Variants in ARHGEF3 observed in about 807,000 individuals in gnomAD.
The protein encoded by ARHGEF3 is Rho guanine nucleotide exchange factor 3, also known as 59.8 kDA protein.
ARHGEF3 carries 28 observed loss-of-function variants against 63.2 expected under a neutral mutation model. That is an observed-to-expected ratio of 0.44 (90% CI 0.33 to 0.61). The LOEUF (loss-of-function observed/expected upper bound fraction) is 0.61. Among genes scored for constraint, ARHGEF3 ranks in the 20% least tolerant of loss-of-function variants. ARHGEF3 has a pLI of 0.03. For missense variants in ARHGEF3, 533 were observed against 659.3 expected (o/e 0.81, Z 2.10); for synonymous variants, 266 against 254.2 (o/e 1.05, Z -0.44).
chr3:56,923,564 G>C (rs1387526497), intron 3 of ARHGEF3, among the ~76,000 whole-genome samples: 1 of 151,938 alleles, frequency 6.6e-6, no homozygotes, highest in Admixed American at 6.5e-5. Flanking sequence ...AAAAAAATGA[G>C]AGCATAGTTA....
chr3:56,789,020 A>ATGCTGCTGCTGCTGCTGC (rs34620976), intron 1 of ARHGEF3, among the ~76,000 whole-genome samples: 34 of 149,224 alleles, frequency 2.3e-4, no homozygotes, highest in South Asian at 8.8e-4. Context: ...TTCAAGATAG[A>ATGCTGCTGCTGCTGCTGC]TGCTGCTGCT....
At chr3:56,745,519 T>G in intron 6 of ARHGEF3, 57 bp from the exon 7 acceptor site, 1 of 1,577,850 alleles carries the variant, frequency 6.3e-7, no homozygotes, top group Non-Finnish European at 8.6e-7. Flanking sequence ...GCTCTGAGGC[T>G]ACGGTGGCAT....
intron 3 of ARHGEF3, among the ~76,000 whole-genome samples, chr3:56,920,778 C>T (rs1444715548): frequency 6.6e-6 from 1 of 152,186 alleles, no homozygotes; most frequent in Non-Finnish European, 1.5e-5. Flanking sequence ...CAAGGCCGGG[C>T]ACGATGGCTC....
At chr3:56,841,385 C>T (rs2039302614) in intron 4 of ARHGEF3, among the ~76,000 whole-genome samples, 1 of 152,144 alleles carries the variant, frequency 6.6e-6, no homozygotes, top group Non-Finnish European at 1.5e-5. Context: ...GGTTGTTAGT[C>T]TTACATGAGA....
intron 3 of ARHGEF3, among the ~76,000 whole-genome samples, chr3:56,892,659 A>G (rs2041161609): frequency 6.6e-6 from 1 of 152,240 alleles, no homozygotes; most frequent in African/African-American, 2.4e-5. Context: ...CATGTAAACA[A>G]TCAGCTTAGA....
intron 4 of ARHGEF3, among the ~76,000 whole-genome samples, chr3:56,856,101 T>C (rs55778709): frequency 1.3e-3 from 192 of 152,226 alleles, no homozygotes; most frequent in Non-Finnish European, 2.3e-3. Context: ...GCCTGGCCAG[T>C]GGTGGACGAG....
At chr3:56,858,578 T>C (rs779148046) in intron 4 of ARHGEF3, among the ~76,000 whole-genome samples, 24 of 152,100 alleles carry the variant, frequency 1.6e-4, no homozygotes, top group Non-Finnish European at 3.1e-4. Context: ...GAACAACAGA[T>C]GGTTTAGATA....
chr3:56,808,370 G>A (rs937225512), intron 4 of ARHGEF3, among the ~76,000 whole-genome samples: 1 of 152,112 alleles, frequency 6.6e-6, no homozygotes, highest in Admixed American at 6.5e-5. Context: ...TTGCTTGAGC[G>A]CAGGCGTTCG....
At chr3:56,995,595 AG>A in intron 2 of ARHGEF3, among the ~76,000 whole-genome samples, 1 of 147,804 alleles carries the variant, frequency 6.8e-6, no homozygotes, top group South Asian at 2.2e-4. Flanking sequence ...GTCTGACACT[AG>A]GGGGCAAAAG....
intron 2 of ARHGEF3, among the ~76,000 whole-genome samples, chr3:57,013,917 G>A (rs1025275766): frequency 2.0e-5 from 3 of 152,234 alleles, no homozygotes; most frequent in Non-Finnish European, 4.4e-5. Flanking sequence ...GCCGGAGCCA[G>A]CAGCGGCAAC....
chr3:56,761,655 G>A (rs1457278971), intron 2 of ARHGEF3, among the ~76,000 whole-genome samples: 2 of 152,074 alleles, frequency 1.3e-5, no homozygotes, highest in Non-Finnish European at 2.9e-5. Flanking sequence ...CACTGTGAGG[G>A]GAGCTTTAGA....
At chr3:56,767,441 G>A (rs137988829) in intron 2 of ARHGEF3, among the ~76,000 whole-genome samples, 7,073 of 151,736 alleles carry the variant, frequency 0.047, 259 homozygotes, top group East Asian at 0.14. Context: ...AAAATTAGCC[G>A]GGCGTGGTGG....
chr3:56,817,000 G>T (rs2038298177), intron 4 of ARHGEF3, among the ~76,000 whole-genome samples: 1 of 152,214 alleles, frequency 6.6e-6, no homozygotes, highest in Non-Finnish European at 1.5e-5. Context: ...CAATCAGGGG[G>T]TTGGATGCTC....
chr3:56,887,734 G>T (rs1374185675), intron 3 of ARHGEF3, among the ~76,000 whole-genome samples: 1 of 152,190 alleles, frequency 6.6e-6, no homozygotes, highest in East Asian at 1.9e-4. Context: ...ATTTACTGAA[G>T]CAAAGGCACA....
At chr3:56,969,135 G>C (rs1453096512) in intron 2 of ARHGEF3, among the ~76,000 whole-genome samples, 1 of 148,174 alleles carries the variant, frequency 6.7e-6, no homozygotes, top group East Asian at 2.1e-4. Context: ...GGTCACAAAT[G>C]TATAAAGATC....
chr3:57,009,440 T>TCCCTCAGC (rs1372003506), intron 2 of ARHGEF3, among the ~76,000 whole-genome samples: 1 of 152,040 alleles, frequency 6.6e-6, no homozygotes, highest in Non-Finnish European at 1.5e-5. Context: ...CTTATCCCAG[T>TCCCTCAGC]CCCTCAGCCC....
intron 1 of ARHGEF3, chr3:57,076,808 T>A (rs549013429): frequency 6.6e-6 from 1 of 152,260 alleles, no homozygotes; most frequent in Admixed American, 6.5e-5. Context: ...CTGTATGCCA[T>A]GGAGCAGGAG....
intron 2 of ARHGEF3, among the ~76,000 whole-genome samples, chr3:56,759,953 T>A (rs1054638605): frequency 6.6e-6 from 1 of 152,188 alleles, no homozygotes; most frequent in African/African-American, 2.4e-5. Flanking sequence ...TACCTCAAAT[T>A]CACGTATTCT....
intron 4 of ARHGEF3, among the ~76,000 whole-genome samples, chr3:56,833,373 TA>T: frequency 6.6e-6 from 1 of 152,366 alleles, no homozygotes; most frequent in Admixed American, 6.5e-5. Context: ...TTCATGTTTT[TA>T]TTGGCCATTT....
Sources: allele counts gnomAD v4.1 joint callset (sites outside exome capture counted in the v4.1 genomes callset), GRCh38; gene constraint gnomAD v4.1.1; transcripts MANE v1.5; gene names NCBI Gene and HGNC (gene_info 2026-07-23, HGNC 2026-07-21).